ZFHX2: variants seen among roughly 807,000 people sequenced by gnomAD.
ZFHX2 encodes the protein zinc finger homeobox protein 2.
In ZFHX2, 75 loss-of-function variants were observed where a neutral mutation model predicts 164.8. The observed-to-expected ratio is 0.46, with a 90% confidence interval of 0.38 to 0.55. ZFHX2 has a LOEUF of 0.55. ZFHX2 is among the 20% of genes least tolerant of loss of function. The pLI, the probability that ZFHX2 is intolerant of heterozygous loss-of-function variation, is 0.00. For missense variants in ZFHX2, 2,933 were observed against 3,308.0 expected, an observed-to-expected ratio of 0.89 and a Z score of 2.78; for synonymous variants, 1,217 against 1,351.4, an observed-to-expected ratio of 0.90 and a Z score of 2.18.
intron 6 of ZFHX2, chr14:23,528,765 C>G (rs1469440906): frequency 1.0e-6 from 1 of 985,326 alleles, no homozygotes; most frequent in African/African-American, 1.7e-5. Flanking sequence ...AAAATTCTGG[C>G]CCAGCCCTCT....
chr14:23,536,216 C>T (rs1444151736), intron 1 of ZFHX2, among the ~76,000 whole-genome samples: 1 of 152,182 alleles, frequency 6.6e-6, no homozygotes, highest in Non-Finnish European at 1.5e-5. Flanking sequence ...TTCTCTCCAT[C>T]CAGCAGCCAG....
intron 1 of ZFHX2, among the ~76,000 whole-genome samples, chr14:23,538,909 A>G (rs1880486575): frequency 6.6e-6 from 1 of 152,156 alleles, no homozygotes; most frequent in Non-Finnish European, 1.5e-5. Flanking sequence ...GACGGCAGAA[A>G]GAGTCAATAA....
At chr14:23,554,469 T>G (rs113541169), upstream of ZFHX2, among the ~76,000 whole-genome samples, 4,729 of 152,012 alleles carry the variant, frequency 0.031, 262 homozygotes, top group African/African-American at 0.11. Context: ...CTTGACCTCC[T>G]GGGCTCAAGC....
At position 23,521,608 on chromosome 14, in the gene ZFHX2, A is replaced by C; in HGVS notation, c.*354T>G. ...CATTTATGGGGATGGGGAGCTGGGA[A>C]TTCAGTGAGGAAAAGGAAGATAGAA... On this transcript the variant is annotated 3_prime_UTR_variant, in exon 10 of 10. Coordinates refer to ENST00000419474, the MANE Select transcript of ZFHX2 (RefSeq NM_033400.3). 4.5e-6 allele frequency: 1 copy of C among 224,390 alleles called. No homozygotes were observed. The highest frequency in any genetic ancestry group is 8.8e-6 in the Non-Finnish European group (1 of 114,236). 13.9% of individuals were successfully genotyped at this position (224,390 alleles called of 1,614,324 possible). A position where few individuals can be genotyped will look rare whatever the true frequency, so the allele number is the denominator to read the frequency against.
At position 23,526,386 on chromosome 14, in the gene ZFHX2, C is replaced by T. The variant is rs973405139; in HGVS notation, c.3556G>A (p.Asp1186Asn). 8.5e-6 allele frequency: 13 copies of T among 1,536,132 alleles called. No individual in the cohort carries two copies. The African/African-American group carries it at 9.6e-5, about 11-fold the overall frequency. The change falls in exon 9 of 10, where the codon GAC becomes AAC. Residue 1186 changes from aspartate (D) to asparagine (N), a missense_variant. Physicochemically the swap from Asp to Asn is conservative, Grantham distance 23. Transcript: ENST00000419474. ...TTNFALDKFL[D>N]PARPYKCTVC... ...GTGCACTTATAGGGCCGGGCAGGGT[C>T]GAGAAACTTGTCCAGGGCAAAGTTG...
chr14:23,540,201 G>A (rs1266492992), intron 1 of ZFHX2, among the ~76,000 whole-genome samples: 1 of 152,132 alleles, frequency 6.6e-6, no homozygotes, highest in Admixed American at 6.5e-5. Flanking sequence ...ATGTTGCCCA[G>A]GCTGGTCTCA....
At chr14:23,527,838 C>T in intron 6 of ZFHX2, 34 bp from the exon 7 acceptor site, 1 of 1,522,238 alleles carries the variant, frequency 6.6e-7, no homozygotes, top group Non-Finnish European at 8.8e-7. Flanking sequence ...GACGAAGTGT[C>T]AGGGAAGGAT....
rs2138669511 is a variant in ZFHX2 at position 23,524,364 on chromosome 14, G to A, written c.5578C>T (p.Leu1860=). Reference sequence around the variant, plus strand: ...TGCTCAGGCAAGATGGTGGTGCGCAGGCGCTTGTCCCTGGGGGGCTCGCCC... The same window carrying A: ...TGCTCAGGCAAGATGGTGGTGCGCAAGCGCTTGTCCCTGGGGGGCTCGCCC... ...GEGEPPRDKR[L]RTTILPEQLE... is the part of the protein sequence containing the mutation. The change falls in exon 9 of 10, where the codon CTG becomes TTG. Residue 1860 remains leucine (L), a synonymous_variant. Transcript: ENST00000419474. This position sits in a 1 kb window ranked among gnomAD's most constrained non-coding sequence, Gnocchi z 5.6. The A allele has an allele frequency of 3.3e-6, 5 of 1,536,266 alleles. No individual in the cohort carries two copies. The South Asian group carries it at 3.6e-5, about 11-fold the overall frequency.
rs1397711498 is a variant in ZFHX2, at chr14:23,530,141, G to A, written c.2854C>T (p.Gln952Ter). Reference protein sequence around the residue: ...AEPPTPEKDAQNKTEQLASEE... With the variant: ...AEPPTPEKDA ...TCACCCAATTGTTCTGTCTTGTTCT[G>A]GGCATCTTTCTCAGGGGTGGGTGGC... is the stretch of plus-strand genomic sequence containing the variant. Residue 952 changes from glutamine to a stop codon, truncating the protein, a stop_gained, in exon 5 of 10, where the codon CAG becomes TAG. Transcript: ENST00000419474. LOFTEE classifies it high-confidence loss of function. 6.5e-7 allele frequency: 1 copy of A among 1,535,978 alleles called. No homozygotes were observed. Among genetic ancestry groups the A allele is most frequent in the African/African-American group, 1.4e-5 (1 of 72,972 alleles).
Position 23,533,008 on chromosome 14 carries a change from G to C in ZFHX2, c.2118C>G (p.Thr706=). The change falls in exon 3 of 10, where the codon ACC becomes ACG. Residue 706 remains threonine (T), a synonymous_variant. Coordinates refer to ENST00000419474, the MANE Select transcript of ZFHX2 (RefSeq NM_033400.3). The surrounding 1 kb of genome is among the most constrained non-coding windows in gnomAD (Gnocchi z 4.8). ...LLGSSSDSLP[T]SPPPDDSLSL... ...ACAGGCTGTCGTCTGGGGGTGGTGA[G>C]GTGGGCAGGCTGTCAGATGAGGAAC... is the stretch of plus-strand genomic sequence containing the variant. The C allele has an allele frequency of 6.5e-7, 1 of 1,536,158 alleles. No homozygotes were observed. Among genetic ancestry groups the C allele is most frequent in the Non-Finnish European group, 8.7e-7 (1 of 1,146,898 alleles).
In ZFHX2 at chr14:23,522,072, C is replaced by A; in HGVS notation, c.7609G>T (p.Ala2537Ser). Residue 2537 changes from alanine (A) to serine (S), a missense_variant, in exon 10 of 10, where the codon GCC becomes TCC. Coordinates refer to ENST00000419474, the MANE Select transcript of ZFHX2 (RefSeq NM_033400.3). ...QGGPPISITN[A>S]ATAASAAVAF... ...ACAGCAGCCGAGGCAGCAGTGGCGG[C>A]GTTGGTGATGGAGATGGGTGGGCCC... 2 of 1,536,268 alleles carry A rather than the reference C, an allele frequency of 1.3e-6. No homozygotes were observed. Among genetic ancestry groups the A allele is most frequent in the Non-Finnish European group, 1.7e-6 (2 of 1,146,832 alleles).
chr14:23,555,570 A>G (rs985430520), upstream of ZFHX2, among the ~76,000 whole-genome samples: 1 of 152,138 alleles, frequency 6.6e-6, no homozygotes, highest in Non-Finnish European at 1.5e-5. Context: ...TCTGACAGAA[A>G]GTTTCTCACC....
chr14:23,526,038 C>G lies in ZFHX2; in HGVS notation c.3904G>C (p.Gly1302Arg), dbSNP rs905833195. 1.6e-5 allele frequency: 25 copies of G among 1,536,292 alleles called. No individual in the cohort carries two copies. Among genetic ancestry groups the G allele is most frequent in the African/African-American group, 4.1e-5 (3 of 73,026 alleles). ...CCCTTCTTCTCAGTGCCCACCTCCC[C>G]CTCTGTCTCGCCTTCCTTGGGCTCT... ...QEEPKEGETE[G>R]EVGTEKKGPD... Residue 1302 changes from glycine to arginine, a missense_variant, in exon 9 of 10, where the codon GGG (glycine) becomes CGG (arginine). Gly to Arg is a moderately radical substitution (Grantham distance 125). Coordinates refer to ENST00000419474, the MANE Select transcript of ZFHX2 (RefSeq NM_033400.3).
chr14:23,550,311 G>A (rs1184461982), intron 1 of ZFHX2, among the ~76,000 whole-genome samples: 1 of 152,224 alleles, frequency 6.6e-6, no homozygotes, highest in African/African-American at 2.4e-5. Context: ...TCCAGGCCCT[G>A]ACTGTGACCA....
rs1460002511 is a variant in ZFHX2, at chr14:23,522,204, A to G, written c.7477T>C (p.Cys2493Arg). The G allele has an allele frequency of 1.3e-6, 2 of 1,482,736 alleles. No individual in the cohort carries two copies. The highest frequency in any genetic ancestry group is 2.8e-5 in the African/African-American group (2 of 71,760). 91.8% of individuals were successfully genotyped at this position (1,482,736 alleles called of 1,614,324 possible). Reference protein sequence around the residue: ...SMPPPLRVPICTYHCLACEVL... With the variant: ...SMPPPLRVPIRTYHCLACEVL... Reference sequence around the variant, plus strand: ...TCACATGCCAGGCAGTGGTAGGTGCAGATGGGCACCCGCAATGGGGGTGGC... The same window carrying G: ...TCACATGCCAGGCAGTGGTAGGTGCGGATGGGCACCCGCAATGGGGGTGGC... The change falls in exon 10 of 10, where the codon TGC becomes CGC. Residue 2493 changes from cysteine (C) to arginine (R), a missense_variant. Cys to Arg is a radical substitution (Grantham distance 180, BLOSUM62 -3). Coordinates refer to ENST00000419474, the MANE Select transcript of ZFHX2 (RefSeq NM_033400.3).
rs1289953542 is a variant in ZFHX2 at position 23,524,503 on chromosome 14, C to T, written c.5439G>A (p.Gly1813=). The change falls in exon 9 of 10, where the codon GGG becomes GGA. Residue 1813 remains glycine, a synonymous_variant. Transcript: ENST00000419474. The surrounding 1 kb of genome is among the most constrained non-coding windows in gnomAD (Gnocchi z 5.6). The part of the protein sequence containing the change: ...QLLDLPLLVF[G]ERNPLVAATS... ...TGGCTGCCACCAGGGGGTTTCTCTCCCCAAACACCAGCAAGGGCAGATCTA... is the reference window on the plus strand; with the variant it reads ...TGGCTGCCACCAGGGGGTTTCTCTCTCCAAACACCAGCAAGGGCAGATCTA... The T allele has an allele frequency of 5.2e-6, 8 of 1,527,620 alleles. No homozygotes were observed. Among genetic ancestry groups the T allele is most frequent in the Non-Finnish European group, 7.0e-6 (8 of 1,142,374 alleles). 94.6% of individuals were successfully genotyped at this position (1,527,620 alleles called of 1,614,324 possible).
rs2138639972 is a variant in ZFHX2 at position 23,522,025 on chromosome 14, T to C, written c.7656A>G (p.Ala2552=). The C allele has an allele frequency of 1.3e-6, 2 of 1,536,414 alleles. No homozygotes were observed. Among genetic ancestry groups the C allele is most frequent in the Non-Finnish European group, 1.7e-6 (2 of 1,146,914 alleles). The change falls in exon 10 of 10, where the codon GCA becomes GCG. Residue 2552 remains alanine (A), a synonymous_variant. Coordinates refer to ENST00000419474, the MANE Select transcript of ZFHX2 (RefSeq NM_033400.3). ...SAAVAFAKEE[A]RLPHTDSNPK... ...GGTTGGAGTCCGTGTGAGGTAATCT[T>C]GCTTCCTCTTTGGCAAAAGCCACAG...
Position 23,523,353 on chromosome 14 carries a change from C to T in ZFHX2, c.6589G>A (p.Ala2197Thr). The change falls in exon 9 of 10, where the codon GCT (alanine) becomes ACT (threonine). Residue 2197 changes from alanine to threonine, a missense_variant. Coordinates refer to ENST00000419474, the MANE Select transcript of ZFHX2 (RefSeq NM_033400.3). This position sits in a 1 kb window ranked among gnomAD's most constrained non-coding sequence, Gnocchi z 4.1. Reference sequence around the variant, plus strand: ...GGTGGGGCCTTGAGAGCTGGGGGAGCCTCAGGTGCTGGGGCCAAGTCGTAG... The same window carrying T: ...GGTGGGGCCTTGAGAGCTGGGGGAGTCTCAGGTGCTGGGGCCAAGTCGTAG... Reference protein sequence around the residue: ...KCYDLAPAPEAPPALKAPPAT... With the variant: ...KCYDLAPAPETPPALKAPPAT... 1 of 1,470,294 alleles carries T rather than the reference C, an allele frequency of 6.8e-7. No individual in the cohort carries two copies. Among genetic ancestry groups the T allele is most frequent in the Non-Finnish European group, 9.0e-7 (1 of 1,113,142 alleles). 91.1% of individuals were successfully genotyped at this position (1,470,294 alleles called of 1,614,324 possible). A position where few individuals can be genotyped will look rare whatever the true frequency, so the allele number is the denominator to read the frequency against.
Sources: gnomAD v4.1 joint callset for allele counts (sites outside exome capture counted in the v4.1 genomes callset) on GRCh38, gnomAD v4.1.1 for gene constraint, Gnocchi (gnomAD v3.1) non-coding constraint, MANE v1.5 for transcripts, NCBI Gene and HGNC (gene_info 2026-07-23, HGNC 2026-07-21) for gene names.